The following CTNNA2 variants were observed in gnomAD, a reference collection of about 807,000 sequenced individuals.
The protein encoded by CTNNA2 is catenin alpha-2.
A neutral mutation model predicts 101.0 loss-of-function variants in CTNNA2; 42 were observed. The ratio of observed to expected loss-of-function variants is 0.42; its 90% CI spans 0.32 to 0.54. The LOEUF is 0.54. CTNNA2 is among the 20% of genes least tolerant of loss of function. The pLI is 0.14. For synonymous variants in CTNNA2, 450 were observed against 456.4 expected (o/e 0.99, Z 0.18); for missense variants, 871 against 1,223.1 (o/e 0.71, Z 4.29).
intron 7 of CTNNA2, among the ~76,000 whole-genome samples, chr2:80,319,268 G>A (rs554112606): frequency 6.6e-6 from 1 of 152,058 alleles, no homozygotes; most frequent in Admixed American, 6.5e-5. Context: ...TACCAATTTG[G>A]AATATAATTA....
rs1360498528 is a variant in CTNNA2 at position 79,660,654 on chromosome 2, T to G, written c.102+8996T>G. On this transcript the variant is annotated intron_variant, in intron 2 of 18. Transcript: ENST00000402739. ...TCAGTAGTTAGTGTGTTTCCACTTC[T>G]GAAATAGGAGTTTAATTAACCAGTG... is the stretch of plus-strand genomic sequence containing the variant. 3.9e-5 allele frequency among the ~76,000 whole-genome samples: 6 copies of G among 152,268 alleles called. No individual in the cohort carries two copies. The East Asian group carries it at 7.7e-4, about 20-fold the overall frequency.
In CTNNA2 at chr2:80,574,292, G is replaced by C; in HGVS notation, c.1871G>C (p.Arg624Thr). The C allele has an allele frequency of 6.2e-7, 1 of 1,612,822 alleles. No homozygotes were observed. The highest frequency in any genetic ancestry group is 2.2e-5 in the East Asian group (1 of 44,844). The change falls in exon 13 of 19, where the codon AGA becomes ACA. Residue 624 changes from arginine to threonine, a missense_variant. By Grantham distance (71) the Arg-to-Thr change is moderately conservative. This residue lies in a region of CTNNA2 where 647 missense variants were observed against 831.5 expected (regional missense o/e 0.78). Transcript: ENST00000402739. ...RLVYDGVRDI[R>T]KAVLMIRTPE... Reference sequence around the variant, plus strand: ...GTGTATGATGGCGTTCGGGACATCAGAAAGGCTGTGCTGATGATCAGGGTA... The same window carrying C: ...GTGTATGATGGCGTTCGGGACATCACAAAGGCTGTGCTGATGATCAGGGTA...
chr2:79,759,860 C>T (rs774869149), intron 3 of CTNNA2, among the ~76,000 whole-genome samples: 19 of 151,926 alleles, frequency 1.3e-4, no homozygotes, highest in Non-Finnish European at 1.9e-4. Context: ...TTTTCCAATT[C>T]AGAAATGGGA....
At chr2:79,890,227 A>C (rs1684203949) in intron 6 of CTNNA2, among the ~76,000 whole-genome samples, 1 of 152,212 alleles carries the variant, frequency 6.6e-6, no homozygotes, top group Non-Finnish European at 1.5e-5. Flanking sequence ...ATAAAGGGAG[A>C]AAAGATGACA....
chr2:79,298,674 C>A (rs1573050839), intron 2 of CTNNA2, among the ~76,000 whole-genome samples: 1 of 152,174 alleles, frequency 6.6e-6, no homozygotes, highest in African/African-American at 2.4e-5. Context: ...ACCCAAAGGT[C>A]CAACTCCCCC....
intron 6 of CTNNA2, among the ~76,000 whole-genome samples, chr2:79,894,504 T>C (rs1684564645): frequency 1.3e-5 from 2 of 152,178 alleles, no homozygotes; most frequent in Non-Finnish European, 2.9e-5. Context: ...TCCCATTGCA[T>C]AGCCTCCTTT....
At chr2:80,285,364 AC>A (rs1674676521) in intron 7 of CTNNA2, among the ~76,000 whole-genome samples, 1 of 152,206 alleles carries the variant, frequency 6.6e-6, no homozygotes, top group Non-Finnish European at 1.5e-5. Flanking sequence ...CGGTGGGACT[AC>A]CCACATTCTC....
intron 7 of CTNNA2, among the ~76,000 whole-genome samples, chr2:80,356,275 A>C (rs1249489492): frequency 6.6e-6 from 1 of 152,190 alleles, no homozygotes; most frequent in East Asian, 1.9e-4. Flanking sequence ...ACTAATGGAC[A>C]GAAAATGGAA....
At chr2:80,596,810 G>A (rs965189407) in intron 15 of CTNNA2, among the ~76,000 whole-genome samples, 1 of 152,080 alleles carries the variant, frequency 6.6e-6, no homozygotes, top group Non-Finnish European at 1.5e-5. Context: ...AATACTTCCA[G>A]CTTTTGCCCA....
chr2:79,497,069 C>A (rs1042665568), intron 4 of CTNNA2, among the ~76,000 whole-genome samples: 7 of 152,130 alleles, frequency 4.6e-5, no homozygotes, highest in African/African-American at 1.7e-4. Context: ...AATTAGTTGT[C>A]AACATTTTAA....
At chr2:79,287,043 C>T (rs577564626) in intron 2 of CTNNA2, among the ~76,000 whole-genome samples, 181 of 152,284 alleles carry the variant, frequency 1.2e-3, no homozygotes, top group African/African-American at 4.0e-3. Context: ...TCCAGTTGAT[C>T]GCATCAGCTC....
intron 1 of CTNNA2, among the ~76,000 whole-genome samples, chr2:79,624,796 T>A (rs1245841370): frequency 2.0e-5 from 3 of 152,162 alleles, no homozygotes; most frequent in African/African-American, 7.2e-5. Flanking sequence ...AGATCAGTTC[T>A]GGTGAGAAGT....
rs528746471 is a variant in CTNNA2 at position 80,114,132 on chromosome 2, T to A, written c.1056+204335T>A. ...TCCGTCGTCTAAATAATGTACATTGTTCTTCTATCCTCTGGGTATATCTGT... is the reference window on the plus strand; with the variant it reads ...TCCGTCGTCTAAATAATGTACATTGATCTTCTATCCTCTGGGTATATCTGT... On this transcript the variant is annotated intron_variant, in intron 7 of 18. Transcript: ENST00000402739. Among the ~76,000 whole-genome samples the A allele has an allele frequency of 9.2e-5, 14 of 152,218 alleles. No homozygotes were observed. In the East Asian group the frequency reaches 1.2e-3, roughly 13 times the overall value.
At chr2:79,705,854 G>A (rs1433845849) in intron 2 of CTNNA2, among the ~76,000 whole-genome samples, 3 of 152,218 alleles carry the variant, frequency 2.0e-5, no homozygotes, top group Non-Finnish European at 2.9e-5. Context: ...TCTTTGCAAA[G>A]AGCTATCCAG....
intron 2 of CTNNA2, among the ~76,000 whole-genome samples, chr2:79,216,131 AG>A (rs1674254785): frequency 6.6e-6 from 1 of 152,164 alleles, no homozygotes; most frequent in African/African-American, 2.4e-5. Context: ...AAAAAATGAA[AG>A]TGCCATTTTC....
intron 9 of CTNNA2, among the ~76,000 whole-genome samples, chr2:80,486,139 TAGAAAC>T (rs1686563825): frequency 1.3e-5 from 2 of 152,328 alleles, no homozygotes; most frequent in East Asian, 1.9e-4. Context: ...ACATTTGTGT[TAGAAAC>T]AGAATGTTCA....
intron 4 of CTNNA2, among the ~76,000 whole-genome samples, chr2:79,488,920 T>C (rs1671183126): frequency 6.6e-6 from 1 of 152,188 alleles, no homozygotes. Context: ...AAATTGCATG[T>C]CCAAAGTTGT....
At chr2:80,183,161 C>A (rs570365915) in intron 7 of CTNNA2, among the ~76,000 whole-genome samples, 175 of 152,290 alleles carry the variant, frequency 1.1e-3, no homozygotes, top group African/African-American at 4.1e-3. Flanking sequence ...CCCCCAGACA[C>A]CATTTATCGG....
chr2:80,142,291 A>G (rs983314588), intron 7 of CTNNA2, among the ~76,000 whole-genome samples: 1 of 152,182 alleles, frequency 6.6e-6, no homozygotes, highest in Non-Finnish European at 1.5e-5. Flanking sequence ...TGGAGTCTTC[A>G]GCGTTAGCTG....
Sources: allele counts gnomAD v4.1 joint callset (sites outside exome capture counted in the v4.1 genomes callset), GRCh38; gene constraint gnomAD v4.1.1; regional missense constraint gnomAD v4.1.1; transcripts MANE v1.5; gene names NCBI Gene and HGNC (gene_info 2026-07-23, HGNC 2026-07-21).